The following MDFIC variants were observed in gnomAD, a reference collection of about 807,000 sequenced individuals.
The protein encoded by MDFIC is myoD family inhibitor domain-containing protein.
Under a neutral mutation model 23.2 loss-of-function variants are expected in MDFIC, and 17 were observed. The observed-to-expected ratio is 0.73, with a 90% CI of 0.50 to 1.10. The LOEUF is 1.10. MDFIC is among the 50% of genes least tolerant of loss of function. MDFIC has a pLI of 0.00. For synonymous variants in MDFIC, 120 were observed against 115.2 expected (o/e 1.04, Z -0.27); for missense variants, 356 against 316.6 (o/e 1.12, Z -0.95).
chr7:114,977,097 C>T (rs1173908561), intron 3 of MDFIC, among the ~76,000 whole-genome samples: 2 of 152,060 alleles, frequency 1.3e-5, no homozygotes, highest in Non-Finnish European at 2.9e-5. Flanking sequence ...GAAAGTATAG[C>T]ACAGTAAAAT....
rs1791789430 is a variant in MDFIC at position 115,016,077 on chromosome 7, C to CT, written c.*147dup. On this transcript the variant is annotated 3_prime_UTR_variant, in exon 5 of 5. Transcript: ENST00000393486. Reference sequence around the variant, plus strand: ...ATTATTGTAAGTAATCTCTGAAAGCCTTTTTACTTTAACCAAATCTACATG... The same window carrying CT: ...ATTATTGTAAGTAATCTCTGAAAGCCTTTTTTACTTTAACCAAATCTACATG... 2.4e-6 allele frequency: 2 copies of CT among 829,614 alleles called. No individual in the cohort carries two copies. The highest frequency in any genetic ancestry group is 1.8e-6 in the Non-Finnish European group (1 of 543,248). The allele number at this position is 829,614 out of a possible 1,614,324, so 51.4% of individuals were successfully genotyped here.
chr7:114,957,399 G>A (rs1398159711), intron 3 of MDFIC, among the ~76,000 whole-genome samples: 1 of 152,078 alleles, frequency 6.6e-6, no homozygotes, highest in Non-Finnish European at 1.5e-5. Flanking sequence ...AGTGTTTGTA[G>A]ATGTATTGGA....
intron 2 of MDFIC, chr7:114,933,908 G>C (rs1407841310): frequency 6.6e-6 from 1 of 152,150 alleles, no homozygotes; most frequent in Non-Finnish European, 1.5e-5. Flanking sequence ...CCAAATGTGA[G>C]GATGGTCCGA....
chr7:115,002,328 G>A (rs1379397589), intron 4 of MDFIC, among the ~76,000 whole-genome samples: 1 of 152,174 alleles, frequency 6.6e-6, no homozygotes, highest in Non-Finnish European at 1.5e-5. Context: ...AAACACTCCT[G>A]AAGAAACCTT....
chr7:114,990,062 A>C (rs2116017155), intron 4 of MDFIC, among the ~76,000 whole-genome samples: 1 of 152,362 alleles, frequency 6.6e-6, no homozygotes, highest in Non-Finnish European at 1.5e-5. Flanking sequence ...TAAAGAAACC[A>C]CTGCATAATG....
chr7:115,014,394 A>ATGATTT, intron 4 of MDFIC: 1 of 1,289,078 alleles, frequency 7.8e-7, no homozygotes, highest in Non-Finnish European at 1.0e-6. Flanking sequence ...AGAGAAGCGC[A>ATGATTT]TGATTTTTTA....
In MDFIC at chr7:114,922,466, C is replaced by A. The variant is rs1006724255; in HGVS notation, c.-278C>A. ...GCTGCCGCAGTTGCCGCCACTGCGGCGTCTGGGCTGAGCCGGAGGGAGGCG... is the reference window on the plus strand; with the variant it reads ...GCTGCCGCAGTTGCCGCCACTGCGGAGTCTGGGCTGAGCCGGAGGGAGGCG... On this transcript the variant is annotated 5_prime_UTR_variant, in exon 1 of 5. Transcript: ENST00000393486. 64 of 1,248,518 alleles carry A rather than the reference C, an allele frequency of 5.1e-5. No individual in the cohort carries two copies. The highest frequency in any genetic ancestry group is 6.1e-5 in the Non-Finnish European group (60 of 990,566). The allele number at this position is 1,248,518 out of a possible 1,614,324, so 77.3% of individuals were successfully genotyped here. A position where few individuals can be genotyped will look rare whatever the true frequency, so the allele number is the denominator to read the frequency against.
chr7:114,979,914 A>T lies in MDFIC; in HGVS notation c.493+133A>T, dbSNP rs752990969. The T allele has an allele frequency of 2.5e-5, 28 of 1,118,488 alleles. No individual in the cohort carries two copies. The African/African-American group carries it at 2.8e-4, about 11-fold the overall frequency. The allele number at this position is 1,118,488 out of a possible 1,614,324, so 69.3% of individuals were successfully genotyped here. A position where few individuals can be genotyped will look rare whatever the true frequency, so the allele number is the denominator to read the frequency against. On this transcript the variant is annotated intron_variant, in intron 4 of 4. Coordinates refer to ENST00000393486, the MANE Select transcript of MDFIC (RefSeq NM_001166345.3). ...ACAAACAGGAATTTTGGTAAAATGC[A>T]GATTAACTTTCCCAAAGGAAAGCAC...
At chr7:114,976,401 C>A (rs1286480514) in intron 3 of MDFIC, among the ~76,000 whole-genome samples, 1 of 152,048 alleles carries the variant, frequency 6.6e-6, no homozygotes, top group African/African-American at 2.4e-5. Flanking sequence ...GTATGCATAA[C>A]TAGCTTTATG....
rs1238476849 is a variant in MDFIC, at chr7:115,018,273, C to T, written c.*2338C>T. On this transcript the variant is annotated 3_prime_UTR_variant, in exon 5 of 5. Transcript: ENST00000393486. Reference sequence around the variant, plus strand: ...TCATCTGTTTATGGACACATGAAACCTCCTAATGACCTGGAATTGTTAGAA... The same window carrying T: ...TCATCTGTTTATGGACACATGAAACTTCCTAATGACCTGGAATTGTTAGAA... 3 of 151,970 alleles carry T rather than the reference C, an allele frequency of 2.0e-5. No individual in the cohort carries two copies. The highest frequency in any genetic ancestry group is 1.3e-4 in the Admixed American group (2 of 15,268). The allele number at this position is 151,970 out of a possible 1,614,324, so 9.4% of individuals were successfully genotyped here. A position where few individuals can be genotyped will look rare whatever the true frequency, so the allele number is the denominator to read the frequency against.
At position 115,016,044 on chromosome 7, in the gene MDFIC, G is replaced by A; in HGVS notation, c.*109G>A. ...CATGAAACAACATGGAATTTGCACTGTTAACTCATTATTGTAAGTAATCTC... is the reference window on the plus strand; with the variant it reads ...CATGAAACAACATGGAATTTGCACTATTAACTCATTATTGTAAGTAATCTC... On this transcript the variant is annotated 3_prime_UTR_variant, in exon 5 of 5. Coordinates refer to ENST00000393486, the MANE Select transcript of MDFIC (RefSeq NM_001166345.3). The A allele has an allele frequency of 9.0e-7, 1 of 1,114,576 alleles. No homozygotes were observed. Among genetic ancestry groups the A allele is most frequent in the Non-Finnish European group, 1.3e-6 (1 of 782,968 alleles). 69.0% of individuals were successfully genotyped at this position (1,114,576 alleles called of 1,614,324 possible). A position where few individuals can be genotyped will look rare whatever the true frequency, so the allele number is the denominator to read the frequency against.
At position 114,925,409 on chromosome 7, in the gene MDFIC, T is replaced by C. The variant is rs74681506; in HGVS notation, c.94+2282T>C. The stretch of plus-strand genomic sequence containing the variant: ...AAACCTGTAGTGAAGCCCATTCTAG[T>C]ATTAGCATTAAGAATTAGAAAGGTT... On this transcript the variant is annotated intron_variant, in intron 2 of 4. Transcript: ENST00000393486. 5.8e-4 allele frequency among the ~76,000 whole-genome samples: 88 copies of C among 152,358 alleles called. 1 individual carries two copies. The East Asian group carries it at 0.013, about 23-fold the overall frequency.
At chr7:114,960,372 G>A (rs1375302585) in intron 3 of MDFIC, among the ~76,000 whole-genome samples, 1 of 152,106 alleles carries the variant, frequency 6.6e-6, no homozygotes, top group Non-Finnish European at 1.5e-5. Context: ...ATGCTAAGCA[G>A]AGAACCAGGG....
At chr7:114,996,320 A>G (rs1244828523) in intron 4 of MDFIC, among the ~76,000 whole-genome samples, 1 of 152,168 alleles carries the variant, frequency 6.6e-6, no homozygotes, top group Non-Finnish European at 1.5e-5. Flanking sequence ...TTTTTAAGGC[A>G]GAACAAGATT....
rs936792890 is a variant in MDFIC, at chr7:115,007,762, C to T, written c.494-7926C>T. Among the ~76,000 whole-genome samples, 9 of 150,076 alleles carry T rather than the reference C, an allele frequency of 6.0e-5. No individual in the cohort carries two copies. In the East Asian group the frequency reaches 9.7e-4, roughly 16 times the overall value. On this transcript the variant is annotated intron_variant, in intron 4 of 4. Transcript: ENST00000393486. Reference sequence around the variant, plus strand: ...GATTATGGCTCACTATAGCCTCGACCTTCTGGGGCTCAGGTGATCTTCCCA... The same window carrying T: ...GATTATGGCTCACTATAGCCTCGACTTTCTGGGGCTCAGGTGATCTTCCCA...
chr7:115,009,468 T>G (rs1791638189), intron 4 of MDFIC, among the ~76,000 whole-genome samples: 1 of 152,224 alleles, frequency 6.6e-6, no homozygotes, highest in Admixed American at 6.5e-5. Flanking sequence ...TTTAATAAAC[T>G]GCATTCCTCA....
intron 4 of MDFIC, among the ~76,000 whole-genome samples, chr7:114,987,805 A>T (rs1793539938): frequency 6.6e-6 from 1 of 152,092 alleles, no homozygotes; most frequent in Non-Finnish European, 1.5e-5. Flanking sequence ...GTCTTTTTTT[A>T]AAAAATAAAG....
chr7:114,965,100 T>G (rs1793071614), intron 3 of MDFIC, among the ~76,000 whole-genome samples: 1 of 152,062 alleles, frequency 6.6e-6, no homozygotes, highest in Admixed American at 6.6e-5. Context: ...AGGCAGATAG[T>G]AGATGACATT....
intron 3 of MDFIC, among the ~76,000 whole-genome samples, chr7:114,978,782 C>A (rs1255208637): frequency 1.3e-5 from 2 of 151,972 alleles, no homozygotes; most frequent in Non-Finnish European, 2.9e-5. Flanking sequence ...TATTAAATTT[C>A]TTTGTCTTGT....
Sources: allele counts gnomAD v4.1 joint callset (sites outside exome capture counted in the v4.1 genomes callset), GRCh38; gene constraint gnomAD v4.1.1; transcripts MANE v1.5; gene names NCBI Gene and HGNC (gene_info 2026-07-23, HGNC 2026-07-21).